Variants in CDK5R1 observed in about 807,000 individuals in gnomAD.
CDK5R1 encodes cyclin dependent kinase 5 regulatory subunit 1.
In CDK5R1, 1 loss-of-function variant was observed where a neutral mutation model predicts 19.0. The observed-to-expected ratio is 0.05, with a 90% CI of 0.02 to 0.25. The LOEUF (loss-of-function observed/expected upper bound fraction) is 0.25. Ranked by LOEUF, CDK5R1 falls within the 10% of genes least tolerant of loss-of-function variation. CDK5R1 has a pLI of 1.00. For synonymous variants in CDK5R1, 225 were observed against 187.7 expected (o/e 1.20, Z -1.62); for missense variants, 314 against 401.0 (o/e 0.78, Z 1.85).
Position 32,488,416 on chromosome 17 carries a change from A to C in CDK5R1, c.796A>C (p.Asn266His). 2 of 1,613,924 alleles carry C rather than the reference A, an allele frequency of 1.2e-6. No homozygotes were observed. The highest frequency in any genetic ancestry group is 1.7e-6 in the Non-Finnish European group (2 of 1,180,002). ...TTGGGACCGTTGCCTCTCTGTCATC[A>C]ACCTCATGAGCTCAAAGATGCTGCA... ...AFWDRCLSVINLMSSKMLQIN... is the reference protein window; with the variant it reads ...AFWDRCLSVIHLMSSKMLQIN... The change falls in exon 2 of 2, where the codon AAC becomes CAC. Residue 266 changes from asparagine (N) to histidine (H), a missense_variant. This residue lies in a region of CDK5R1 where 106 missense variants were observed against 132.1 expected (regional missense o/e 0.80). Transcript: ENST00000313401.
In CDK5R1 at chr17:32,488,948, G is replaced by A. The variant is rs540510833; in HGVS notation, c.*404G>A. ...TTGGAGGCCCTTTTCTGGCTCCTGT[G>A]TGGAGTTATTCACTCTCCCAGAGGC... On this transcript the variant is annotated 3_prime_UTR_variant, in exon 2 of 2. Coordinates refer to ENST00000313401, the MANE Select transcript of CDK5R1 (RefSeq NM_003885.3). The A allele has an allele frequency of 1.4e-4, 52 of 372,640 alleles. No homozygotes were observed. Among genetic ancestry groups the A allele is most frequent in the African/African-American group, 1.1e-3 (52 of 46,910 alleles). The allele number at this position is 372,640 out of a possible 1,614,324, so 23.1% of individuals were successfully genotyped here.
rs1908756897 is a variant in CDK5R1, at chr17:32,488,469, A to C, written c.849A>C (p.Thr283=). Residue 283 remains threonine (T), a synonymous_variant, in exon 2 of 2, where the codon ACA becomes ACC. Transcript: ENST00000313401. ...TAAATGCCGACCCACACTACTTCAC[A>C]CAGGTCTTCTCCGACCTGAAGAACG... ...LQINADPHYF[T]QVFSDLKNES... 1 of 1,613,816 alleles carries C rather than the reference A, an allele frequency of 6.2e-7. No homozygotes were observed. Among genetic ancestry groups the C allele is most frequent in the Admixed American group, 1.7e-5 (1 of 60,004 alleles).
rs747547604 is a variant in CDK5R1 at position 32,488,129 on chromosome 17, C to G, written c.509C>G (p.Ser170Cys). Residue 170 changes from serine (S) to cysteine (C), a missense_variant, in exon 2 of 2, where the codon TCC becomes TGC. Physicochemically the swap from Ser to Cys is moderately radical, Grantham distance 112. This residue lies in a region of CDK5R1 where 197 missense variants were observed against 230.2 expected (regional missense o/e 0.86). Coordinates refer to ENST00000313401, the MANE Select transcript of CDK5R1 (RefSeq NM_003885.3). ...CRRCYRLKHL[S>C]PTDPVLWLRS... ...CGGTGCTACCGCCTGAAGCACCTGT[C>G]CCCCACGGACCCCGTGCTCTGGCTG... 5.0e-6 allele frequency: 8 copies of G among 1,613,390 alleles called. No individual in the cohort carries two copies. In the South Asian group the frequency reaches 8.8e-5, roughly 18 times the overall value.
At position 32,488,467 on chromosome 17, in the gene CDK5R1, A is replaced by G; in HGVS notation, c.847A>G (p.Thr283Ala). 1 of 1,614,164 alleles carries G rather than the reference A, an allele frequency of 6.2e-7. No individual in the cohort carries two copies. The highest frequency in any genetic ancestry group is 8.5e-7 in the Non-Finnish European group (1 of 1,180,028). Residue 283 changes from threonine to alanine, a missense_variant, in exon 2 of 2, where the codon ACA becomes GCA. Around this residue, in one of 3 missense-constraint regions of CDK5R1, gnomAD observed 106 missense variants for 132.1 expected, o/e 0.80. Coordinates refer to ENST00000313401, the MANE Select transcript of CDK5R1 (RefSeq NM_003885.3). Reference sequence around the variant, plus strand: ...GATAAATGCCGACCCACACTACTTCACACAGGTCTTCTCCGACCTGAAGAA... The same window carrying G: ...GATAAATGCCGACCCACACTACTTCGCACAGGTCTTCTCCGACCTGAAGAA... ...LQINADPHYF[T>A]QVFSDLKNES... is the part of the protein sequence containing the mutation.
Position 32,488,755 on chromosome 17 carries a change from G to A in CDK5R1, c.*211G>A. On this transcript the variant is annotated 3_prime_UTR_variant, in exon 2 of 2. Coordinates refer to ENST00000313401, the MANE Select transcript of CDK5R1 (RefSeq NM_003885.3). ...GCAAAACCCAGAAGATGTATTCAGA[G>A]CCACCCAGGCCACTGACCTCCCACT... 2.4e-6 allele frequency: 2 copies of A among 827,928 alleles called. No individual in the cohort carries two copies. The highest frequency in any genetic ancestry group is 3.7e-6 in the Non-Finnish European group (2 of 535,516). The allele number at this position is 827,928 out of a possible 1,614,324, so 51.3% of individuals were successfully genotyped here.
At position 32,488,748 on chromosome 17, in the gene CDK5R1, A is replaced by G; in HGVS notation, c.*204A>G. 1 of 941,334 alleles carries G rather than the reference A, an allele frequency of 1.1e-6. No individual in the cohort carries two copies. The highest frequency in any genetic ancestry group is 1.6e-6 in the Non-Finnish European group (1 of 629,690). 58.3% of individuals were successfully genotyped at this position (941,334 alleles called of 1,614,324 possible). A position where few individuals can be genotyped will look rare whatever the true frequency, so the allele number is the denominator to read the frequency against. On this transcript the variant is annotated 3_prime_UTR_variant, in exon 2 of 2. Coordinates refer to ENST00000313401, the MANE Select transcript of CDK5R1 (RefSeq NM_003885.3). ...GCCTTGCGCAAAACCCAGAAGATGTATTCAGAGCCACCCAGGCCACTGACC... is the reference window on the plus strand; with the variant it reads ...GCCTTGCGCAAAACCCAGAAGATGTGTTCAGAGCCACCCAGGCCACTGACC...
rs1471179146 is a variant in CDK5R1 at position 32,490,215 on chromosome 17, C to T, written c.*1671C>T. The T allele has an allele frequency of 6.0e-6, 1 of 167,130 alleles. No homozygotes were observed. Among genetic ancestry groups the T allele is most frequent in the Non-Finnish European group, 1.5e-5 (1 of 68,170 alleles). 10.4% of individuals were successfully genotyped at this position (167,130 alleles called of 1,614,324 possible). ...TGGAAGGAGCCTGCGGCTGCTGGCA[C>T]AGACTTCACACAGCACCTCCTCTCT... On this transcript the variant is annotated 3_prime_UTR_variant, in exon 2 of 2. Transcript: ENST00000313401.
chr17:32,488,042 G>T lies in CDK5R1; in HGVS notation c.422G>T (p.Arg141Leu). The T allele has an allele frequency of 6.2e-7, 1 of 1,612,504 alleles. No individual in the cohort carries two copies. Among genetic ancestry groups the T allele is most frequent in the Non-Finnish European group, 8.5e-7 (1 of 1,179,314 alleles). The change falls in exon 2 of 2, where the codon CGG (arginine) becomes CTG (leucine). Residue 141 changes from arginine to leucine, a missense_variant. This residue lies in a region of CDK5R1 where 197 missense variants were observed against 230.2 expected (regional missense o/e 0.86). Coordinates refer to ENST00000313401, the MANE Select transcript of CDK5R1 (RefSeq NM_003885.3). The stretch of plus-strand genomic sequence containing the variant: ...GTCACCTCCGCAGGGACGCCCAAAC[G>T]GGTCATCGTCCAGGCGTCCACCAGT... ...PAVTSAGTPK[R>L]VIVQASTSEL...
Position 32,488,462 on chromosome 17 carries a change from A to G in CDK5R1, c.842A>G (p.Tyr281Cys). ...CTGCAGATAAATGCCGACCCACACT[A>G]CTTCACACAGGTCTTCTCCGACCTG... is the stretch of plus-strand genomic sequence containing the variant. ...KMLQINADPH[Y>C]FTQVFSDLKN... is the part of the protein sequence containing the mutation. The change falls in exon 2 of 2, where the codon TAC (tyrosine) becomes TGC (cysteine). Residue 281 changes from tyrosine (Y) to cysteine (C), a missense_variant. This residue lies in a region of CDK5R1 where 106 missense variants were observed against 132.1 expected (regional missense o/e 0.80). Coordinates refer to ENST00000313401, the MANE Select transcript of CDK5R1 (RefSeq NM_003885.3). The G allele has an allele frequency of 6.2e-7, 1 of 1,614,110 alleles. No individual in the cohort carries two copies. The highest frequency in any genetic ancestry group is 8.5e-7 in the Non-Finnish European group (1 of 1,180,016).
In CDK5R1 at chr17:32,489,041, A is replaced by G; in HGVS notation, c.*497A>G. 1 of 404,162 alleles carries G rather than the reference A, an allele frequency of 2.5e-6. No individual in the cohort carries two copies. The highest frequency in any genetic ancestry group is 5.1e-6 in the Non-Finnish European group (1 of 194,332). The allele number at this position is 404,162 out of a possible 1,614,324, so 25.0% of individuals were successfully genotyped here. On this transcript the variant is annotated 3_prime_UTR_variant, in exon 2 of 2. Transcript: ENST00000313401. Reference sequence around the variant, plus strand: ...GAGGCAAGATCCCCGCCACCCGGGGACATCTTCAATCTAGGCGAGGCGAAG... The same window carrying G: ...GAGGCAAGATCCCCGCCACCCGGGGGCATCTTCAATCTAGGCGAGGCGAAG...
rs1473366875 is a variant in CDK5R1 at position 32,487,916 on chromosome 17, C to T, written c.296C>T (p.Ala99Val). ...TCGTGCGCCAACCTGTCCACATTCG[C>T]CCAGCCCCCACCGGCCCAGCCGCCT... ...SLSCANLSTF[A>V]QPPPAQPPAP... The change falls in exon 2 of 2, where the codon GCC becomes GTC. Residue 99 changes from alanine (A) to valine (V), a missense_variant. By Grantham distance (64) the Ala-to-Val change is moderately conservative. This residue lies in a region of CDK5R1 where 197 missense variants were observed against 230.2 expected (regional missense o/e 0.86). Transcript: ENST00000313401. The surrounding 1 kb of genome is among the most constrained non-coding windows in gnomAD (Gnocchi z 7.9). The T allele has an allele frequency of 1.9e-6, 3 of 1,613,530 alleles. No homozygotes were observed. Among genetic ancestry groups the T allele is most frequent in the Non-Finnish European group, 2.5e-6 (3 of 1,180,014 alleles).
At position 32,490,474 on chromosome 17, in the gene CDK5R1, CT is replaced by C. The variant is rs1908832572; in HGVS notation, c.*1932del. 1 of 166,944 alleles carries C rather than the reference CT, an allele frequency of 6.0e-6. No homozygotes were observed. The highest frequency in any genetic ancestry group is 2.4e-5 in the African/African-American group (1 of 41,392). The allele number at this position is 166,944 out of a possible 1,614,324, so 10.3% of individuals were successfully genotyped here. A position where few individuals can be genotyped will look rare whatever the true frequency, so the allele number is the denominator to read the frequency against. On this transcript the variant is annotated 3_prime_UTR_variant, in exon 2 of 2. Coordinates refer to ENST00000313401, the MANE Select transcript of CDK5R1 (RefSeq NM_003885.3). ...CTTTCTCCGTATTTATTTTTTTATT[CT>C]TCGGAGGAGGTGGACATTTCGGAAG...
chr17:32,488,699 C>T lies in CDK5R1; in HGVS notation c.*155C>T, dbSNP rs985041771. 1.7e-5 allele frequency: 23 copies of T among 1,390,722 alleles called. No individual in the cohort carries two copies. Among genetic ancestry groups the T allele is most frequent in the Non-Finnish European group, 2.2e-5 (22 of 1,009,982 alleles). The allele number at this position is 1,390,722 out of a possible 1,614,324, so 86.1% of individuals were successfully genotyped here. ...GGGTTTTTTTCATCCCTGCCAAGAA[C>T]TCTGGGCACTTTTGAACTCACGAGC... On this transcript the variant is annotated 3_prime_UTR_variant, in exon 2 of 2. Coordinates refer to ENST00000313401, the MANE Select transcript of CDK5R1 (RefSeq NM_003885.3).
rs1272480117 is a variant in CDK5R1 at position 32,488,730 on chromosome 17, G to A, written c.*186G>A. On this transcript the variant is annotated 3_prime_UTR_variant, in exon 2 of 2. Coordinates refer to ENST00000313401, the MANE Select transcript of CDK5R1 (RefSeq NM_003885.3). Reference sequence around the variant, plus strand: ...GCACTTTTGAACTCACGAGCCTTGCGCAAAACCCAGAAGATGTATTCAGAG... The same window carrying A: ...GCACTTTTGAACTCACGAGCCTTGCACAAAACCCAGAAGATGTATTCAGAG... 5 of 1,128,960 alleles carry A rather than the reference G, an allele frequency of 4.4e-6. No homozygotes were observed. The highest frequency in any genetic ancestry group is 3.0e-5 in the South Asian group (2 of 67,320). 69.9% of individuals were successfully genotyped at this position (1,128,960 alleles called of 1,614,324 possible). A position where few individuals can be genotyped will look rare whatever the true frequency, so the allele number is the denominator to read the frequency against.
rs1436068003 is a variant in CDK5R1, at chr17:32,489,049, A to C, written c.*505A>C. On this transcript the variant is annotated 3_prime_UTR_variant, in exon 2 of 2. Transcript: ENST00000313401. The stretch of plus-strand genomic sequence containing the variant: ...ATCCCCGCCACCCGGGGACATCTTC[A>C]ATCTAGGCGAGGCGAAGCTGAGCGG... The C allele has an allele frequency of 4.8e-6, 2 of 415,240 alleles. No individual in the cohort carries two copies. Among genetic ancestry groups the C allele is most frequent in the Non-Finnish European group, 1.0e-5 (2 of 199,070 alleles). The allele number at this position is 415,240 out of a possible 1,614,324, so 25.7% of individuals were successfully genotyped here. A position where few individuals can be genotyped will look rare whatever the true frequency, so the allele number is the denominator to read the frequency against.
Position 32,487,134 on chromosome 17 carries a change from C to A in CDK5R1, c.-174C>A, listed in dbSNP as rs1270165378. On this transcript the variant is annotated 5_prime_UTR_variant, in exon 1 of 2. Coordinates refer to ENST00000313401, the MANE Select transcript of CDK5R1 (RefSeq NM_003885.3). The surrounding 1 kb of genome is among the most constrained non-coding windows in gnomAD (Gnocchi z 7.9). ...GGGCCGCGGCGCGCATTGCGGAGGG[C>A]GCGGAGCGCAGGAGCTGCCGCCTGC... is the stretch of plus-strand genomic sequence containing the variant. 1 of 146,524 alleles carries A rather than the reference C, an allele frequency of 6.8e-6. No homozygotes were observed. The highest frequency in any genetic ancestry group is 1.5e-5 in the Non-Finnish European group (1 of 65,892). 9.1% of individuals were successfully genotyped at this position (146,524 alleles called of 1,614,324 possible).
In CDK5R1 at chr17:32,487,628, C is replaced by T. The variant is rs1908721674; in HGVS notation, c.8C>T (p.Thr3Met). 1.9e-6 allele frequency: 3 copies of T among 1,612,080 alleles called. No individual in the cohort carries two copies. The highest frequency in any genetic ancestry group is 2.5e-6 in the Non-Finnish European group (3 of 1,179,534). ...CCGGCGCGCAGCAGCACCATGGGCA[C>T]GGTGCTGTCCCTGTCTCCCAGCTAC... is the stretch of plus-strand genomic sequence containing the variant. MGTVLSLSPSYRK... is the reference protein window; with the variant it reads MGMVLSLSPSYRK... Residue 3 changes from threonine (T) to methionine (M), a missense_variant, in exon 2 of 2, where the codon ACG (threonine) becomes ATG (methionine). Thr to Met is a moderately conservative substitution (Grantham distance 81, BLOSUM62 -1). This residue lies in a region of CDK5R1 where 197 missense variants were observed against 230.2 expected (regional missense o/e 0.86). Coordinates refer to ENST00000313401, the MANE Select transcript of CDK5R1 (RefSeq NM_003885.3). The surrounding 1 kb of genome is among the most constrained non-coding windows in gnomAD (Gnocchi z 7.9).
At position 32,487,902 on chromosome 17, in the gene CDK5R1, C is replaced by A; in HGVS notation, c.282C>A (p.Asn94Lys). 1 of 1,613,770 alleles carries A rather than the reference C, an allele frequency of 6.2e-7. No individual in the cohort carries two copies. The highest frequency in any genetic ancestry group is 8.5e-7 in the Non-Finnish European group (1 of 1,180,012). ...TGAAGAAGTCGCTGTCGTGCGCCAA[C>A]CTGTCCACATTCGCCCAGCCCCCAC... is the stretch of plus-strand genomic sequence containing the variant. ...ENLKKSLSCA[N>K]LSTFAQPPPA... The change falls in exon 2 of 2, where the codon AAC becomes AAA. Residue 94 changes from asparagine to lysine, a missense_variant. Around this residue, in one of 3 missense-constraint regions of CDK5R1, gnomAD observed 197 missense variants for 230.2 expected, o/e 0.86. Coordinates refer to ENST00000313401, the MANE Select transcript of CDK5R1 (RefSeq NM_003885.3). The surrounding 1 kb of genome is among the most constrained non-coding windows in gnomAD (Gnocchi z 7.9).
Position 32,490,698 on chromosome 17 carries a change from A to G in CDK5R1, c.*2154A>G, listed in dbSNP as rs531379295. 6.0e-6 allele frequency: 1 copy of G among 167,214 alleles called. No homozygotes were observed. Among genetic ancestry groups the G allele is most frequent in the South Asian group, 2.1e-4 (1 of 4,832 alleles). The allele number at this position is 167,214 out of a possible 1,614,324, so 10.4% of individuals were successfully genotyped here. ...AAAAAAAACCTACAAAAAAACCTTT[A>G]TTCTTTAATTGTTGCTTTTACGGTG... is the stretch of plus-strand genomic sequence containing the variant. On this transcript the variant is annotated 3_prime_UTR_variant, in exon 2 of 2. Transcript: ENST00000313401.
Sources: gnomAD v4.1 joint callset for allele counts on GRCh38, gnomAD v4.1.1 for gene constraint, gnomAD v4.1.1 regional missense constraint, Gnocchi (gnomAD v3.1) non-coding constraint, MANE v1.5 for transcripts, NCBI Gene and HGNC (gene_info 2026-07-23, HGNC 2026-07-21) for gene names.